The following ADGRV1 variants were observed in gnomAD, a reference collection of about 807,000 sequenced individuals.
The protein encoded by ADGRV1 is G-protein coupled receptor 98.
In ADGRV1, 359 loss-of-function variants were observed where a neutral mutation model predicts 596.2. The observed-to-expected ratio is 0.60, with a 90% CI of 0.55 to 0.66. ADGRV1 has a LOEUF of 0.66. ADGRV1 is among the 30% of genes least tolerant of loss of function. The pLI is 0.00. For missense variants in ADGRV1, 7,274 were observed against 7,575.6 expected (o/e 0.96, Z 1.48); for synonymous variants, 2,681 against 2,679.2 (o/e 1.00, Z -0.02).
At position 90,674,174 on chromosome 5, in the gene ADGRV1, A is replaced by G; in HGVS notation, c.5050A>G (p.Ser1684Gly). Reference protein sequence around the residue: ...KLGSTPTSGASIDPEKETTDI... With the variant: ...KLGSTPTSGAGIDPEKETTDI... ...AGGCTCAACTCCTACCAGTGGTGCA[A>G]GCATAGATCCTGAAAAGGAAACGAC... The change falls in exon 23 of 90, where the codon AGC (serine) becomes GGC (glycine). Residue 1684 changes from serine (S) to glycine (G), a missense_variant. Physicochemically the swap from Ser to Gly is moderately conservative, Grantham distance 56 (BLOSUM62 0). Around this residue, in one of 5 missense-constraint regions of ADGRV1, gnomAD observed 3,643 missense variants for 3,809.2 expected, o/e 0.96. Transcript: ENST00000405460. The G allele has an allele frequency of 6.2e-7, 1 of 1,613,328 alleles. No individual in the cohort carries two copies. Among genetic ancestry groups the G allele is most frequent in the South Asian group, 1.1e-5 (1 of 90,870 alleles).
In ADGRV1 at chr5:90,629,191, T is replaced by A; in HGVS notation, c.1510-19T>A. The stretch of plus-strand genomic sequence containing the variant: ...GATGCGAGAATTCTGTACTTTAATA[T>A]TTTATTCCTTTACTTCAGCTTTTGT... On this transcript the variant is annotated intron_variant, in intron 8 of 89. Coordinates refer to ENST00000405460, the MANE Select transcript of ADGRV1 (RefSeq NM_032119.4). 7.0e-7 allele frequency: 1 copy of A among 1,430,880 alleles called. No homozygotes were observed. The highest frequency in any genetic ancestry group is 2.3e-5 in the East Asian group (1 of 43,244). The allele number at this position is 1,430,880 out of a possible 1,614,324, so 88.6% of individuals were successfully genotyped here.
intron 87 of ADGRV1, among the ~76,000 whole-genome samples, chr5:91,117,312 CATT>C (rs1792935001): frequency 6.6e-6 from 1 of 152,066 alleles, no homozygotes; most frequent in South Asian, 2.1e-4. Flanking sequence ...CATTCAGAAA[CATT>C]AATCTATCCA....
At chr5:90,812,161 C>T (rs889082075) in intron 74 of ADGRV1, among the ~76,000 whole-genome samples, 3 of 151,910 alleles carry the variant, frequency 2.0e-5, no homozygotes, top group Non-Finnish European at 4.4e-5. Flanking sequence ...CTCCTGACCT[C>T]GTGATCCACC....
intron 20 of ADGRV1, among the ~76,000 whole-genome samples, chr5:90,657,463 C>T (rs1386308310): frequency 2.0e-4 from 30 of 151,830 alleles, no homozygotes; most frequent in African/African-American, 7.3e-5. Flanking sequence ...TAAATAAATA[C>T]ATAATTAAAA....
At chr5:91,098,390 G>C (rs1387442064) in intron 86 of ADGRV1, among the ~76,000 whole-genome samples, 1 of 151,932 alleles carries the variant, frequency 6.6e-6, no homozygotes, top group Non-Finnish European at 1.5e-5. Flanking sequence ...AGCTAACGTA[G>C]CTTAAGTTTC....
intron 9 of ADGRV1, among the ~76,000 whole-genome samples, chr5:90,630,969 T>C (rs976228534): frequency 6.6e-6 from 1 of 152,154 alleles, no homozygotes; most frequent in African/African-American, 2.4e-5. Context: ...TCTTTTGGGA[T>C]TATGCTGTAG....
chr5:90,635,592 CTT>C (rs34061974), intron 10 of ADGRV1, among the ~76,000 whole-genome samples: 6 of 137,646 alleles, frequency 4.4e-5, no homozygotes, highest in Non-Finnish European at 4.7e-5. Context: ...CAAACATAAA[CTT>C]TTTTTTTTTT....
chr5:90,606,173 A>C (rs1331339301), intron 1 of ADGRV1, among the ~76,000 whole-genome samples: 2 of 152,190 alleles, frequency 1.3e-5, no homozygotes, highest in African/African-American at 2.4e-5. Flanking sequence ...CGTTAGCCTC[A>C]TGTCTGTGCC....
intron 86 of ADGRV1, among the ~76,000 whole-genome samples, chr5:91,076,388 T>C (rs1788857177): frequency 1.3e-5 from 2 of 152,160 alleles, no homozygotes; most frequent in South Asian, 4.1e-4. Flanking sequence ...TGGATTTCCT[T>C]AATAAATTAT....
At chr5:90,789,223 A>G (rs368085371) in intron 68 of ADGRV1, among the ~76,000 whole-genome samples, 19 of 152,232 alleles carry the variant, frequency 1.2e-4, no homozygotes, top group African/African-American at 4.6e-4. Flanking sequence ...AGTATTCATC[A>G]TATCTCCAAA....
intron 83 of ADGRV1, among the ~76,000 whole-genome samples, chr5:90,923,811 T>A (rs1774133298): frequency 7.0e-6 from 1 of 143,348 alleles, no homozygotes; most frequent in African/African-American, 2.6e-5. Flanking sequence ...CCCCAGAGTG[T>A]GATATTCCCC....
In ADGRV1 at chr5:90,704,250, A is replaced by T. The variant is rs556308434; in HGVS notation, c.8287-139A>T. The T allele has an allele frequency of 8.0e-5, 50 of 622,136 alleles. 1 individual carries two copies. The highest frequency in any genetic ancestry group is 7.4e-4 in the African/African-American group (39 of 52,490). 38.5% of individuals were successfully genotyped at this position (622,136 alleles called of 1,614,324 possible). ...TCCCATGTGTCAGTGGTTTTTATTT[A>T]TTTATTTTTAAGCCACAGAACTTTT... On this transcript the variant is annotated intron_variant, in intron 35 of 89. Transcript: ENST00000405460.
intron 75 of ADGRV1, 27 bp from the exon 76 acceptor site, chr5:90,823,398 A>T (rs1369078524): frequency 5.6e-6 from 9 of 1,609,660 alleles, no homozygotes; most frequent in Non-Finnish European, 7.6e-6. Context: ...CCCTCTGTTA[A>T]GGCATTGGTG....
chr5:90,620,655 G>C (rs572684494), intron 4 of ADGRV1, among the ~76,000 whole-genome samples: 17 of 152,184 alleles, frequency 1.1e-4, no homozygotes, highest in Non-Finnish European at 2.2e-4. Context: ...TGGTGTTTTA[G>C]ACATGAAGTC....
chr5:91,055,441 T>TAGGTATATGCTA (rs1554208883), intron 85 of ADGRV1, among the ~76,000 whole-genome samples: 1 of 152,174 alleles, frequency 6.6e-6, no homozygotes, highest in Non-Finnish European at 1.5e-5. Context: ...TATCACATGC[T>TAGGTATATGCTA]AGGTATATGC....
chr5:90,830,657 C>G (rs7444654), intron 77 of ADGRV1, among the ~76,000 whole-genome samples: 1 of 152,148 alleles, frequency 6.6e-6, no homozygotes, highest in East Asian at 1.9e-4. Flanking sequence ...TAGTGTATAA[C>G]TCATAAAGGG....
chr5:91,055,249 A>AATATATAT (rs151160703), intron 85 of ADGRV1, among the ~76,000 whole-genome samples: 4 of 147,178 alleles, frequency 2.7e-5, no homozygotes, highest in African/African-American at 9.9e-5. Context: ...TGCTGTTGCA[A>AATATATAT]ATATATATAT....
chr5:90,916,789 C>A (rs1196214579), intron 83 of ADGRV1, among the ~76,000 whole-genome samples: 1 of 132,548 alleles, frequency 7.5e-6, no homozygotes, highest in Non-Finnish European at 1.6e-5. Flanking sequence ...CCCGCCACTA[C>A]GCCCGGCTAA....
intron 53 of ADGRV1, 48 bp from the exon 54 acceptor site, chr5:90,753,526 T>C (rs1427707006): frequency 2.2e-6 from 3 of 1,373,476 alleles, no homozygotes; most frequent in Non-Finnish European, 2.0e-6. Context: ...TCTTACTACA[T>C]AGTGACAATT....
Sources: gnomAD v4.1 joint callset for allele counts (sites outside exome capture counted in the v4.1 genomes callset) on GRCh38, gnomAD v4.1.1 for gene constraint, gnomAD v4.1.1 regional missense constraint, MANE v1.5 for transcripts, NCBI Gene and HGNC (gene_info 2026-07-23, HGNC 2026-07-21) for gene names.